The following ERBB4 variants were observed in gnomAD, a reference collection of about 807,000 sequenced individuals.
The protein encoded by ERBB4 is erb-b2 receptor tyrosine kinase 4.
ERBB4 carries 42 observed loss-of-function variants against 158.0 expected under a neutral mutation model. That is an observed-to-expected ratio of 0.27 (90% CI 0.21 to 0.34). ERBB4 has a LOEUF of 0.34. Among genes scored for constraint, ERBB4 ranks in the 10% least tolerant of loss-of-function variants. The pLI is 1.00. For synonymous variants in ERBB4, 583 were observed against 558.7 expected (o/e 1.04, Z -0.61); for missense variants, 1,333 against 1,624.1 (o/e 0.82, Z 3.08).
At chr2:211,510,638 A>G (rs1029592979) in intron 20 of ERBB4, among the ~76,000 whole-genome samples, 1 of 152,138 alleles carries the variant, frequency 6.6e-6, no homozygotes, top group Non-Finnish European at 1.5e-5. Flanking sequence ...TCTTGAAATT[A>G]GAAAATGTTT....
chr2:211,577,562 A>G (rs2067928875), intron 19 of ERBB4, among the ~76,000 whole-genome samples: 1 of 152,178 alleles, frequency 6.6e-6, no homozygotes, highest in South Asian at 2.1e-4. Flanking sequence ...AAAATTCTCA[A>G]TAAATTCCTG....
At chr2:212,038,779 C>T (rs2077072779) in intron 2 of ERBB4, among the ~76,000 whole-genome samples, 2 of 152,036 alleles carry the variant, frequency 1.3e-5, no homozygotes, top group East Asian at 3.8e-4. Context: ...AAAATAAGAG[C>T]AACAGAAGAA....
chr2:212,403,894 T>A (rs1209978726), intron 1 of ERBB4, among the ~76,000 whole-genome samples: 2 of 152,108 alleles, frequency 1.3e-5, no homozygotes, highest in Non-Finnish European at 2.9e-5. Context: ...AAATTTTAAC[T>A]TGAGTTCTCT....
At chr2:212,533,374 T>C (rs1394545954) in intron 1 of ERBB4, among the ~76,000 whole-genome samples, 2 of 152,236 alleles carry the variant, frequency 1.3e-5, no homozygotes, top group East Asian at 3.8e-4. Context: ...GTGCATTATA[T>C]GCATTTCTCT....
intron 3 of ERBB4, among the ~76,000 whole-genome samples, chr2:211,809,597 T>C (rs1354397058): frequency 1.3e-5 from 2 of 152,200 alleles, no homozygotes; most frequent in Non-Finnish European, 2.9e-5. Context: ...TTTATTAGTC[T>C]TGCTAGCAGT....
chr2:212,450,489 C>G (rs900201146), intron 1 of ERBB4, among the ~76,000 whole-genome samples: 6 of 151,918 alleles, frequency 3.9e-5, no homozygotes, highest in African/African-American at 1.5e-4. Context: ...GGCCATAAGC[C>G]AAGGAACACA....
At chr2:212,428,659 T>A (rs142684311) in intron 1 of ERBB4, among the ~76,000 whole-genome samples, 5 of 152,240 alleles carry the variant, frequency 3.3e-5, no homozygotes, top group Non-Finnish European at 5.9e-5. Flanking sequence ...GAAAATAGAT[T>A]TCATGTTGTG....
At chr2:212,420,311 A>C (rs1249802673) in intron 1 of ERBB4, among the ~76,000 whole-genome samples, 2 of 152,090 alleles carry the variant, frequency 1.3e-5, no homozygotes, top group Non-Finnish European at 2.9e-5. Context: ...ATAAGAAATG[A>C]TATGCTATAG....
chr2:211,607,164 A>C (rs2069014243), intron 19 of ERBB4, among the ~76,000 whole-genome samples: 1 of 152,218 alleles, frequency 6.6e-6, no homozygotes, highest in Admixed American at 6.5e-5. Flanking sequence ...ATGAAAAAAT[A>C]ACTGGCTCCC....
At chr2:212,286,516 C>T (rs1368964552) in intron 1 of ERBB4, among the ~76,000 whole-genome samples, 1 of 150,672 alleles carries the variant, frequency 6.6e-6, no homozygotes, top group Non-Finnish European at 1.5e-5. Context: ...CTCTCTGAGC[C>T]TCAGTTTTCT....
chr2:211,928,055 A>G (rs2080068063), intron 3 of ERBB4, among the ~76,000 whole-genome samples: 1 of 152,148 alleles, frequency 6.6e-6, no homozygotes, highest in Non-Finnish European at 1.5e-5. Context: ...AAATTCAGGA[A>G]AGGTCTGCTT....
chr2:212,273,911 G>A (rs1053732610), intron 1 of ERBB4, among the ~76,000 whole-genome samples: 6 of 151,716 alleles, frequency 4.0e-5, no homozygotes, highest in African/African-American at 1.5e-4. Context: ...GTAGGAGTTA[G>A]GGGTGCTGAC....
intron 1 of ERBB4, among the ~76,000 whole-genome samples, chr2:212,444,645 T>C (rs1006291709): frequency 3.3e-5 from 5 of 152,204 alleles, no homozygotes; most frequent in East Asian, 1.9e-4. Flanking sequence ...ACCTCCGTCA[T>C]TGCCCAATAG....
chr2:211,958,409 A>C (rs1455997303), intron 2 of ERBB4, among the ~76,000 whole-genome samples: 1 of 152,118 alleles, frequency 6.6e-6, no homozygotes, highest in East Asian at 1.9e-4. Flanking sequence ...CTTTCTAAGT[A>C]GCTATTTACT....
chr2:212,307,183 T>A (rs2086841111), intron 1 of ERBB4, among the ~76,000 whole-genome samples: 1 of 151,180 alleles, frequency 6.6e-6, no homozygotes, highest in Admixed American at 6.6e-5. Context: ...TTTCCCCCTA[T>A]GCTAACCAAA....
At chr2:211,943,296 T>C (rs2080557636) in intron 3 of ERBB4, among the ~76,000 whole-genome samples, 1 of 152,114 alleles carries the variant, frequency 6.6e-6, no homozygotes, top group Non-Finnish European at 1.5e-5. Flanking sequence ...TAAGATTGTA[T>C]ATATACTATT....
chr2:211,776,727 T>C (rs534619584), intron 4 of ERBB4, among the ~76,000 whole-genome samples: 4 of 152,310 alleles, frequency 2.6e-5, no homozygotes, highest in East Asian at 1.9e-4. Context: ...TAAAGTTGAA[T>C]TGGCAGAGGT....
chr2:212,483,858 T>G (rs916073065), intron 1 of ERBB4, among the ~76,000 whole-genome samples: 1 of 152,170 alleles, frequency 6.6e-6, no homozygotes, highest in Non-Finnish European at 1.5e-5. Flanking sequence ...TGCCTCAGCC[T>G]CCCGAGTAGC....
chr2:212,537,106 G>C (rs1312797768), intron 1 of ERBB4, among the ~76,000 whole-genome samples: 1 of 151,132 alleles, frequency 6.6e-6, no homozygotes, highest in Non-Finnish European at 1.5e-5. Flanking sequence ...CTCGATAATT[G>C]TAACTTGTTA....
Sources: allele counts gnomAD v4.1 joint callset (sites outside exome capture counted in the v4.1 genomes callset), GRCh38; gene constraint gnomAD v4.1.1; transcripts MANE v1.5; gene names NCBI Gene and HGNC (gene_info 2026-07-23, HGNC 2026-07-21).